The following ZZZ3 variants were observed in gnomAD, a reference collection of about 807,000 sequenced individuals.
ZZZ3 encodes the protein ZZ-type zinc finger-containing protein 3.
Under a neutral mutation model 95.2 loss-of-function variants are expected in ZZZ3, and 22 were observed. That is an observed-to-expected ratio of 0.23 (90% confidence interval 0.17 to 0.33). The LOEUF is 0.33. ZZZ3 is among the 10% of genes least tolerant of loss of function. ZZZ3 has a pLI of 1.00. For missense variants in ZZZ3, 885 were observed against 1,066.5 expected (o/e 0.83, Z 2.37); for synonymous variants, 335 against 358.9 (o/e 0.93, Z 0.75).
chr1:77,638,984 G>A (rs1668532030), intron 4 of ZZZ3, among the ~76,000 whole-genome samples: 1 of 152,036 alleles, frequency 6.6e-6, no homozygotes, highest in African/African-American at 2.4e-5. Flanking sequence ...TTGAAGTCTG[G>A]GAACTCTATT....
chr1:77,656,978 C>A (rs1185925902), intron 1 of ZZZ3, among the ~76,000 whole-genome samples: 3 of 152,098 alleles, frequency 2.0e-5, no homozygotes, highest in African/African-American at 4.8e-5. Flanking sequence ...ACTTTTATTT[C>A]TTTATTTATT....
chr1:77,568,053 T>C (rs551648054), intron 13 of ZZZ3, among the ~76,000 whole-genome samples: 3 of 152,130 alleles, frequency 2.0e-5, no homozygotes, highest in African/African-American at 4.8e-5. Flanking sequence ...GTATCTCTTA[T>C]CACCCTTTTA....
At chr1:77,619,526 G>A (rs1041091501) in intron 5 of ZZZ3, among the ~76,000 whole-genome samples, 3 of 152,174 alleles carry the variant, frequency 2.0e-5, no homozygotes, top group South Asian at 2.1e-4. Context: ...CACTCTGTAG[G>A]CTTCTAATGC....
At chr1:77,658,427 G>C (rs1171183046) in intron 1 of ZZZ3, among the ~76,000 whole-genome samples, 2 of 151,560 alleles carry the variant, frequency 1.3e-5, no homozygotes, top group African/African-American at 4.9e-5. Context: ...CTGCAGCCTT[G>C]ATCTCCCGGG....
At chr1:77,570,867 G>A (rs961940586) in intron 12 of ZZZ3, among the ~76,000 whole-genome samples, 4 of 131,998 alleles carry the variant, frequency 3.0e-5, no homozygotes, top group African/African-American at 5.8e-5. Flanking sequence ...ACGGGGTTTC[G>A]TCATGTTGCT....
At chr1:77,641,909 C>A (rs576840981) in intron 1 of ZZZ3, among the ~76,000 whole-genome samples, 2 of 152,272 alleles carry the variant, frequency 1.3e-5, no homozygotes, top group Non-Finnish European at 2.9e-5. Context: ...TAAACCCTTA[C>A]AAATTGAAGA....
intron 5 of ZZZ3, among the ~76,000 whole-genome samples, chr1:77,610,598 A>T (rs1665693578): frequency 1.3e-5 from 2 of 148,174 alleles, no homozygotes; most frequent in African/African-American, 2.5e-5. Context: ...ACAATACATT[A>T]AAAAAAAAAA....
At chr1:77,577,103 C>G (rs1488725786) in intron 11 of ZZZ3, among the ~76,000 whole-genome samples, 1 of 152,174 alleles carries the variant, frequency 6.6e-6, no homozygotes, top group African/African-American at 2.4e-5. Context: ...CTGTCTTGAT[C>G]AATAGCACAG....
At chr1:77,577,870 C>T (rs530030065) in intron 11 of ZZZ3, among the ~76,000 whole-genome samples, 73 of 152,284 alleles carry the variant, frequency 4.8e-4, no homozygotes, top group Non-Finnish European at 1.6e-4. Flanking sequence ...CCACCCGCCT[C>T]GGCCTCCCAA....
chr1:77,622,527 C>T (rs1243851987), intron 5 of ZZZ3, among the ~76,000 whole-genome samples: 1 of 152,042 alleles, frequency 6.6e-6, no homozygotes, highest in Non-Finnish European at 1.5e-5. Context: ...AACATATTCA[C>T]CATGGCTTTA....
At chr1:77,665,520 A>ATT (rs1403352134) in intron 1 of ZZZ3, among the ~76,000 whole-genome samples, 1 of 152,184 alleles carries the variant, frequency 6.6e-6, no homozygotes, top group Non-Finnish European at 1.5e-5. Flanking sequence ...TATCCTAAAT[A>ATT]TTTTTAAGTT....
At chr1:77,583,832 C>T (rs149873848) in intron 6 of ZZZ3, among the ~76,000 whole-genome samples, 13 of 151,946 alleles carry the variant, frequency 8.6e-5, no homozygotes, top group African/African-American at 2.9e-4. Context: ...TTAGTGGGTC[C>T]CTATTACAGC....
intron 1 of ZZZ3, among the ~76,000 whole-genome samples, chr1:77,648,119 G>A (rs927268378): frequency 5.9e-5 from 9 of 152,088 alleles, no homozygotes; most frequent in Non-Finnish European, 1.3e-4. Context: ...AACACTTTGG[G>A]AGGCCAAGGT....
intron 6 of ZZZ3, 75 bp downstream of exon 6, chr1:77,584,442 A>C (rs1662863735): frequency 6.9e-7 from 1 of 1,458,300 alleles, no homozygotes; most frequent in Non-Finnish European, 9.1e-7. Flanking sequence ...ATACCCATAA[A>C]AAAGAATTAA....
intron 5 of ZZZ3, among the ~76,000 whole-genome samples, chr1:77,625,946 G>A (rs557971892): frequency 8.6e-5 from 13 of 151,884 alleles, no homozygotes; most frequent in African/African-American, 3.1e-4. Context: ...GCAGTGAGCT[G>A]AGATGGCACC....
chr1:77,605,343 T>G (rs1489717407), intron 5 of ZZZ3, among the ~76,000 whole-genome samples: 2 of 152,122 alleles, frequency 1.3e-5, no homozygotes, highest in Non-Finnish European at 2.9e-5. Context: ...AGAGGGCAAT[T>G]GTTCATTCAG....
At chr1:77,663,942 G>A (rs753684036) in intron 1 of ZZZ3, among the ~76,000 whole-genome samples, 96 of 151,960 alleles carry the variant, frequency 6.3e-4, no homozygotes, top group Non-Finnish European at 1.1e-3. Context: ...TAGAGACGGG[G>A]TTTCATCATA....
intron 5 of ZZZ3, among the ~76,000 whole-genome samples, chr1:77,613,903 G>A (rs917414523): frequency 2.6e-5 from 4 of 152,052 alleles, no homozygotes; most frequent in African/African-American, 9.7e-5. Flanking sequence ...CCCTTAGACT[G>A]AATGCCACAA....
Position 77,633,214 on chromosome 1 carries a change from T to C in ZZZ3, c.141A>G (p.Ser47=), listed in dbSNP as rs145009455. 1.9e-5 allele frequency: 30 copies of C among 1,614,042 alleles called. No individual in the cohort carries two copies. Among genetic ancestry groups the C allele is most frequent in the Non-Finnish European group, 2.5e-5 (30 of 1,179,992 alleles). The part of the protein sequence containing the change: ...EEISSNSQVR[S]RSPKKRPEPV... ...GCTCTGGTCTCTTCTTTGGTGATCTTGATCGTACTTGAGAATTAGAAGAGA... is the reference window on the plus strand; with the variant it reads ...GCTCTGGTCTCTTCTTTGGTGATCTCGATCGTACTTGAGAATTAGAAGAGA... Residue 47 remains serine, a synonymous_variant, in exon 5 of 15, where the codon TCA becomes TCG. Transcript: ENST00000370801.
Sources: allele counts gnomAD v4.1 joint callset (sites outside exome capture counted in the v4.1 genomes callset), GRCh38; gene constraint gnomAD v4.1.1; transcripts MANE v1.5; gene names NCBI Gene and HGNC (gene_info 2026-07-23, HGNC 2026-07-21).